Variants in SYNE1 observed in about 807,000 individuals in gnomAD.
The protein encoded by SYNE1 is nesprin-1.
In SYNE1, 616 loss-of-function variants were observed where a neutral mutation model predicts 1,111.0. The observed-to-expected ratio is 0.55, with a 90% CI of 0.52 to 0.59. The LOEUF is 0.59. Ranked by LOEUF, SYNE1 falls within the 20% of genes least tolerant of loss-of-function variation. The pLI is 0.00. For synonymous variants in SYNE1, 3,855 were observed against 3,825.8 expected, an observed-to-expected ratio of 1.01 and a Z score of -0.28; for missense variants, 10,006 against 10,417.0, an observed-to-expected ratio of 0.96 and a Z score of 1.72.
At chr6:152,355,066 T>G in intron 66 of SYNE1, 90 bp from the exon 67 acceptor site, 2 of 1,401,962 alleles carry the variant, frequency 1.4e-6, no homozygotes, top group Middle Eastern at 1.8e-4. Flanking sequence ...TGTGCCCACT[T>G]GAACTTCTCA....
chr6:152,401,076 C>G, intron 47 of SYNE1, 62 bp downstream of exon 47: 1 of 1,533,100 alleles, frequency 6.5e-7, no homozygotes. Flanking sequence ...ATTATAGTCA[C>G]CACAAAACAG....
At chr6:152,606,639 GT>G (rs910008609) in intron 3 of SYNE1, among the ~76,000 whole-genome samples, 1 of 151,496 alleles carries the variant, frequency 6.6e-6, no homozygotes, top group African/African-American at 2.4e-5. Context: ...GTTTTTCTGA[GT>G]TTTTTTGTTT....
chr6:152,133,161 G>T, intron 143 of SYNE1, 115 bp downstream of exon 143: 1 of 1,018,326 alleles, frequency 9.8e-7, no homozygotes, highest in East Asian at 2.4e-5. Flanking sequence ...TGGCTGAAAG[G>T]AGACACTCCA....
intron 95 of SYNE1, among the ~76,000 whole-genome samples, chr6:152,286,326 A>G (rs1441248996): frequency 1.3e-5 from 2 of 152,140 alleles, no homozygotes; most frequent in Non-Finnish European, 2.9e-5. Flanking sequence ...CACTGTGTTA[A>G]CTTGTAAATA....
chr6:152,545,177 A>G (rs1163229234), intron 3 of SYNE1, among the ~76,000 whole-genome samples: 1 of 152,236 alleles, frequency 6.6e-6, no homozygotes, highest in Non-Finnish European at 1.5e-5. Context: ...CAGTATGTAC[A>G]TAATAATGCA....
chr6:152,288,951 C>G (rs1483618940), intron 95 of SYNE1, among the ~76,000 whole-genome samples: 1 of 152,160 alleles, frequency 6.6e-6, no homozygotes, highest in Non-Finnish European at 1.5e-5. Flanking sequence ...ACTTCAAGAT[C>G]TAGCAGCCAG....
chr6:152,615,109 A>G (rs1460773591), intron 3 of SYNE1, among the ~76,000 whole-genome samples: 2 of 152,172 alleles, frequency 1.3e-5, no homozygotes, highest in Non-Finnish European at 2.9e-5. Context: ...ACCCTTTATT[A>G]AAGTATAATA....
chr6:152,306,376 C>T (rs1237937158), intron 91 of SYNE1, among the ~76,000 whole-genome samples: 3 of 151,892 alleles, frequency 2.0e-5, no homozygotes, highest in African/African-American at 7.3e-5. Context: ...ATCCCAGCTA[C>T]TCGGGAGCCT....
intron 14 of SYNE1, chr6:152,474,766 T>C (rs558832835): frequency 1.8e-3 from 267 of 152,338 alleles, no homozygotes; most frequent in African/African-American, 6.2e-3. Flanking sequence ...AACTTTCAAT[T>C]TTGTTAAATA....
chr6:152,168,440 G>A (rs990195643), intron 130 of SYNE1: 2 of 495,556 alleles, frequency 4.0e-6, no homozygotes, highest in East Asian at 6.7e-5. Context: ...GGCCACGAGT[G>A]TAAGAAGGGG....
At position 152,424,108 on chromosome 6, in the gene SYNE1, C is replaced by A. The variant is rs113672397; in HGVS notation, c.5267+1273G>T. 3.5e-3 allele frequency among the ~76,000 whole-genome samples: 536 copies of A among 152,296 alleles called. 7 individuals carry two copies. The highest frequency in any genetic ancestry group is 0.012 in the African/African-American group (515 of 41,560). Reference sequence around the variant, plus strand: ...GGACCTGCCTTGCTTACTGCTGTATCCTCGGCACCTAAAAAGGTGCCTGGG... The same window carrying A: ...GGACCTGCCTTGCTTACTGCTGTATACTCGGCACCTAAAAAGGTGCCTGGG... On this transcript the variant is annotated intron_variant, in intron 39 of 145. Coordinates refer to ENST00000367255, the MANE Select transcript of SYNE1 (RefSeq NM_182961.4).
At chr6:152,451,632 C>T (rs1290181978) in intron 25 of SYNE1, among the ~76,000 whole-genome samples, 1 of 151,686 alleles carries the variant, frequency 6.6e-6, no homozygotes, top group Non-Finnish European at 1.5e-5. Flanking sequence ...ACAGGCAGCA[C>T]CACCATGCCC....
intron 16 of SYNE1, among the ~76,000 whole-genome samples, chr6:152,467,990 A>G (rs73004852): frequency 1.7e-4 from 26 of 152,278 alleles, no homozygotes; most frequent in Non-Finnish European, 3.4e-4. Context: ...AAATAATAAT[A>G]ACAAGATTCA....
At chr6:152,237,457 A>C (rs894773178) in intron 108 of SYNE1, among the ~76,000 whole-genome samples, 2 of 150,964 alleles carry the variant, frequency 1.3e-5, no homozygotes, top group South Asian at 4.2e-4. Flanking sequence ...CCACAGGCGC[A>C]TTCCACCACA....
At chr6:152,454,977 A>G (rs1407492237) in intron 24 of SYNE1, among the ~76,000 whole-genome samples, 2 of 152,178 alleles carry the variant, frequency 1.3e-5, no homozygotes, top group African/African-American at 4.8e-5. Flanking sequence ...GATAAACATG[A>G]AGATGATAAA....
intron 127 of SYNE1, among the ~76,000 whole-genome samples, chr6:152,190,950 T>C (rs898969255): frequency 6.6e-6 from 1 of 152,250 alleles, no homozygotes; most frequent in African/African-American, 2.4e-5. Flanking sequence ...GCTATGTTTC[T>C]TCTATGCTCA....
chr6:152,282,459 C>T (rs1462283774), intron 96 of SYNE1, among the ~76,000 whole-genome samples: 1 of 152,010 alleles, frequency 6.6e-6, no homozygotes, highest in African/African-American at 2.4e-5. Flanking sequence ...GAAGCGGTGG[C>T]CCAGTGTTAA....
At chr6:152,449,690 G>A (rs2098631160) in intron 27 of SYNE1, 49 bp from the exon 28 acceptor site, 1 of 1,354,558 alleles carries the variant, frequency 7.4e-7, no homozygotes, top group Admixed American at 1.7e-5. Flanking sequence ...ATACCAGAAT[G>A]ATCAGAATAT....
chr6:152,348,435 A>G lies in SYNE1; in HGVS notation c.11902-1200T>C, dbSNP rs561106276. 5.9e-5 allele frequency among the ~76,000 whole-genome samples: 9 copies of G among 152,322 alleles called. No homozygotes were observed. The East Asian group carries it at 1.7e-3, about 29-fold the overall frequency. On this transcript the variant is annotated intron_variant, in intron 72 of 145. Transcript: ENST00000367255. The stretch of plus-strand genomic sequence containing the variant: ...CGCGGTGGCTCACGCCTGTAATCCC[A>G]GCATTTTGGGAGGCTGAGACTGGTG...
Sources: gnomAD v4.1 joint callset for allele counts (sites outside exome capture counted in the v4.1 genomes callset) on GRCh38, gnomAD v4.1.1 for gene constraint, MANE v1.5 for transcripts, NCBI Gene and HGNC (gene_info 2026-07-23, HGNC 2026-07-21) for gene names.